The following KCNAB2 variants were observed in gnomAD, a reference collection of about 807,000 sequenced individuals.
KCNAB2 encodes potassium voltage-gated channel subfamily A regulatory beta subunit 2.
A neutral mutation model predicts 63.6 loss-of-function variants in KCNAB2; 29 were observed. The ratio of observed to expected loss-of-function variants is 0.46; its 90% CI spans 0.34 to 0.62. KCNAB2 has a LOEUF of 0.62. Among genes scored for constraint, KCNAB2 ranks in the 20% least tolerant of loss-of-function variants. KCNAB2 has a pLI of 0.01. For missense variants in KCNAB2, 359 were observed against 563.9 expected (o/e 0.64, Z 3.68); for synonymous variants, 222 against 224.2 (o/e 0.99, Z 0.09).
At chr1:6,049,862 G>A (rs905623350) in intron 1 of KCNAB2, among the ~76,000 whole-genome samples, 8 of 152,234 alleles carry the variant, frequency 5.3e-5, no homozygotes, top group East Asian at 1.9e-4. Context: ...ATACTTGCAG[G>A]GAAACCCCCA....
In KCNAB2 at chr1:6,013,235, C is replaced by G. The variant is rs1022360826; in HGVS notation, c.-53+20447C>G. Among the ~76,000 whole-genome samples the G allele has an allele frequency of 2.0e-5, 3 of 152,146 alleles. No individual in the cohort carries two copies. The South Asian group carries it at 6.2e-4, about 31-fold the overall frequency. ...CGGGCATGAGGGATTCAGCAGGAAA[C>G]GAGACAGACCCACCCCCTGCCCTCA... On this transcript the variant is annotated intron_variant, in intron 1 of 16. Coordinates refer to the KCNAB2 transcript ENST00000341524.
chr1:6,097,671 G>A (rs1344224225), intron 15 of KCNAB2: 4 of 567,138 alleles, frequency 7.1e-6, no homozygotes, highest in African/African-American at 5.6e-5. Flanking sequence ...GGCCTGTCAG[G>A]TGGGCTTGTT....
chr1:6,064,696 G>T (rs1662593558), intron 2 of KCNAB2, among the ~76,000 whole-genome samples: 1 of 152,186 alleles, frequency 6.6e-6, no homozygotes, highest in Admixed American at 6.5e-5. Context: ...TCAAGGAGGG[G>T]TGGGCTGTGC....
intron 2 of KCNAB2, among the ~76,000 whole-genome samples, chr1:6,052,395 C>T (rs1351533307): frequency 6.6e-6 from 1 of 151,524 alleles, no homozygotes; most frequent in Non-Finnish European, 1.5e-5. Context: ...CACTGCACTC[C>T]AGGCTGGGTG....
chr1:6,015,850 A>G (rs1658464547), intron 1 of KCNAB2, among the ~76,000 whole-genome samples: 1 of 152,058 alleles, frequency 6.6e-6, no homozygotes, highest in Non-Finnish European at 1.5e-5. Context: ...GACCACAGGC[A>G]TGCGCCACCA....
At chr1:6,051,961 G>A (rs1330879552) in intron 2 of KCNAB2, among the ~76,000 whole-genome samples, 2 of 152,232 alleles carry the variant, frequency 1.3e-5, no homozygotes, top group African/African-American at 4.8e-5. Flanking sequence ...AAATAGCCAG[G>A]CATAGTGGGG....
At chr1:6,010,366 A>G (rs945772145) in intron 1 of KCNAB2, among the ~76,000 whole-genome samples, 1 of 152,210 alleles carries the variant, frequency 6.6e-6, no homozygotes, top group Non-Finnish European at 1.5e-5. Flanking sequence ...AGGCTGAGGC[A>G]GGAGGATCTC....
At chr1:6,091,538 A>G (rs1010516167) in intron 10 of KCNAB2, among the ~76,000 whole-genome samples, 2 of 143,622 alleles carry the variant, frequency 1.4e-5, no homozygotes, top group Admixed American at 1.4e-4. Context: ...CCTCCCGTGC[A>G]TGGCCCCCAC....
chr1:6,076,041 G>A (rs554422196), intron 4 of KCNAB2, among the ~76,000 whole-genome samples: 16 of 152,364 alleles, frequency 1.1e-4, no homozygotes, highest in Non-Finnish European at 5.9e-5. Context: ...TTGCAACAGA[G>A]ACTCTCTGGC....
chr1:6,047,769 C>T (rs898133724), intron 1 of KCNAB2, among the ~76,000 whole-genome samples: 1 of 152,202 alleles, frequency 6.6e-6, no homozygotes, highest in Admixed American at 6.5e-5. Context: ...CTCCTGGACC[C>T]AACCTTCAGG....
chr1:6,050,117 G>A (rs1661262279), intron 1 of KCNAB2, among the ~76,000 whole-genome samples: 1 of 152,224 alleles, frequency 6.6e-6, no homozygotes, highest in Admixed American at 6.5e-5. Context: ...TAAAGCCTCT[G>A]TAGCTGCCTC....
chr1:6,025,196 G>A (rs1040350131), intron 1 of KCNAB2, among the ~76,000 whole-genome samples: 25 of 151,930 alleles, frequency 1.6e-4, no homozygotes, highest in African/African-American at 5.1e-4. Flanking sequence ...TTATCCTGCC[G>A]GGAACACACA....
intron 2 of KCNAB2, among the ~76,000 whole-genome samples, chr1:6,057,987 C>T (rs1441996070): frequency 1.3e-5 from 2 of 152,048 alleles, no homozygotes; most frequent in Non-Finnish European, 2.9e-5. Context: ...TCTGTCTCTA[C>T]AAAAAATGCA....
intron 1 of KCNAB2, among the ~76,000 whole-genome samples, chr1:6,013,721 C>G (rs1387604998): frequency 2.6e-5 from 4 of 152,138 alleles, no homozygotes; most frequent in Admixed American, 1.3e-4. Context: ...AGCCACTGGT[C>G]ACCTCTGTCT....
chr1:6,041,563 A>G (rs1660500089), upstream of KCNAB2: 1 of 512,744 alleles, frequency 2.0e-6, no homozygotes, highest in South Asian at 2.3e-5. Context: ...ACCACGGAAA[A>G]CAGGGCCTGG....
intron 1 of KCNAB2, among the ~76,000 whole-genome samples, chr1:6,039,299 G>A (rs913426737): frequency 6.6e-6 from 1 of 152,206 alleles, no homozygotes; most frequent in African/African-American, 2.4e-5. Context: ...GCCTAGGAGT[G>A]GGAGGAAAGA....
At chr1:6,041,004 G>A (rs546407369), upstream of KCNAB2, among the ~76,000 whole-genome samples, 2 of 152,296 alleles carry the variant, frequency 1.3e-5, no homozygotes, top group East Asian at 3.9e-4. Flanking sequence ...TTTATACATC[G>A]CAGCCCCTGT....
intron 2 of KCNAB2, among the ~76,000 whole-genome samples, chr1:6,067,843 A>G (rs1424276791): frequency 2.0e-5 from 3 of 152,202 alleles, no homozygotes; most frequent in Admixed American, 1.3e-4. Flanking sequence ...CAGCCTGGCC[A>G]ACATAATGAA....
intron 10 of KCNAB2, among the ~76,000 whole-genome samples, chr1:6,093,576 GAGTCTCC>G: frequency 6.6e-6 from 1 of 152,344 alleles, no homozygotes; most frequent in South Asian, 2.1e-4. Context: ...AGGGCCTTAG[GAGTCTCC>G]GCCGTCCACG....
Sources: gnomAD v4.1 joint callset for allele counts (sites outside exome capture counted in the v4.1 genomes callset) on GRCh38, gnomAD v4.1.1 for gene constraint, MANE v1.5 for transcripts, NCBI Gene and HGNC (gene_info 2026-07-23, HGNC 2026-07-21) for gene names.